The following PPP1R12B variants were observed in gnomAD, a reference collection of about 807,000 sequenced individuals.
PPP1R12B encodes myosin phosphatase target subunit 2.
A neutral mutation model predicts 126.1 loss-of-function variants in PPP1R12B; 76 were observed. That is an observed-to-expected ratio of 0.60 (90% CI 0.50 to 0.73). The LOEUF (loss-of-function observed/expected upper bound fraction) is 0.73, where lower values mean the gene tolerates loss of function less well. Among genes scored for constraint, PPP1R12B ranks in the 30% least tolerant of loss-of-function variants. PPP1R12B has a pLI of 0.00. For synonymous variants in PPP1R12B, 356 were observed against 434.7 expected, an observed-to-expected ratio of 0.82 and a Z score of 2.25; for missense variants, 1,052 against 1,205.1, an observed-to-expected ratio of 0.87 and a Z score of 1.88.
intron 9 of PPP1R12B, among the ~76,000 whole-genome samples, chr1:202,436,662 G>A (rs1239837251): frequency 6.6e-6 from 1 of 151,910 alleles, no homozygotes; most frequent in African/African-American, 2.4e-5. Context: ...CTAGTTTATG[G>A]CAAAATGAGA....
intron 21 of PPP1R12B, among the ~76,000 whole-genome samples, chr1:202,566,129 A>G (rs1398209927): frequency 6.6e-6 from 1 of 152,234 alleles, no homozygotes; most frequent in South Asian, 2.1e-4. Context: ...AGCTTCTGAC[A>G]GCATATGTCT....
intron 1 of PPP1R12B, among the ~76,000 whole-genome samples, chr1:202,365,278 G>T (rs1180362936): frequency 6.6e-6 from 1 of 151,696 alleles, no homozygotes. Context: ...TAGAGACAGG[G>T]AAATCCTAAG....
chr1:202,430,631 A>G (rs1404191393), intron 6 of PPP1R12B, 100 bp from the exon 7 acceptor site: 36 of 1,315,616 alleles, frequency 2.7e-5, no homozygotes, highest in South Asian at 1.6e-4. Context: ...TGTTGGTCCT[A>G]TTTTCTTCAG....
chr1:202,383,023 A>G (rs1439356155), intron 1 of PPP1R12B, among the ~76,000 whole-genome samples: 1 of 152,206 alleles, frequency 6.6e-6, no homozygotes, highest in Non-Finnish European at 1.5e-5. Flanking sequence ...AGAGATAGTT[A>G]TAGAACAAAA....
intron 13 of PPP1R12B, among the ~76,000 whole-genome samples, chr1:202,461,038 G>C (rs1002338684): frequency 6.6e-6 from 1 of 151,998 alleles, no homozygotes; most frequent in Non-Finnish European, 1.5e-5. Context: ...AGACTTAGTG[G>C]GAAATGCACA....
At chr1:202,468,646 G>T (rs1675395990) in intron 13 of PPP1R12B, among the ~76,000 whole-genome samples, 1 of 152,118 alleles carries the variant, frequency 6.6e-6, no homozygotes, top group Non-Finnish European at 1.5e-5. Context: ...AGAGCATTTG[G>T]AATAGGTAAA....
intron 18 of PPP1R12B, among the ~76,000 whole-genome samples, chr1:202,535,112 A>G (rs1306810967): frequency 6.6e-6 from 1 of 151,824 alleles, no homozygotes; most frequent in African/African-American, 2.4e-5. Flanking sequence ...CTCTGTAAAT[A>G]AGCATCCTTA....
At chr1:202,490,701 C>T (rs1328037107) in intron 14 of PPP1R12B, among the ~76,000 whole-genome samples, 4 of 152,166 alleles carry the variant, frequency 2.6e-5, no homozygotes, top group Non-Finnish European at 5.9e-5. Flanking sequence ...TGCTAGGAAC[C>T]TCAAATAAGT....
intron 1 of PPP1R12B, chr1:202,369,481 G>A (rs1451123750): frequency 6.5e-6 from 1 of 152,702 alleles, no homozygotes; most frequent in East Asian, 1.9e-4. Context: ...GTATATTAGA[G>A]AGCTATTAAA....
chr1:202,455,051 CA>C (rs1200227799), intron 13 of PPP1R12B, among the ~76,000 whole-genome samples: 1 of 151,968 alleles, frequency 6.6e-6, no homozygotes, highest in Non-Finnish European at 1.5e-5. Flanking sequence ...GCATTGCAAA[CA>C]AAAGATCTGG....
rs114020946 is a variant in PPP1R12B, at chr1:202,568,130, C to T, written c.2811+299C>T. Among the ~76,000 whole-genome samples the T allele has an allele frequency of 2.2e-3, 328 of 152,164 alleles. 2 individuals carry two copies. The highest frequency in any genetic ancestry group is 7.6e-3 in the African/African-American group (317 of 41,494). ...GACTGTGGGCAGAACTGCATACACA[C>T]ACAACCCATAACATTTTGGTTTACT... is the stretch of plus-strand genomic sequence containing the variant. On this transcript the variant is annotated intron_variant, in intron 22 of 23. Coordinates refer to ENST00000608999, the MANE Select transcript of PPP1R12B (RefSeq NM_002481.4).
chr1:202,348,754 C>T lies in PPP1R12B; in HGVS notation c.-98C>T. 2 of 1,431,890 alleles carry T rather than the reference C, an allele frequency of 1.4e-6. No individual in the cohort carries two copies. The highest frequency in any genetic ancestry group is 9.3e-7 in the Non-Finnish European group (1 of 1,079,488). 88.7% of individuals were successfully genotyped at this position (1,431,890 alleles called of 1,614,324 possible). ...GGCGCGAGGGTCTCCGCCCTCTGCT[C>T]CGGGCTGAAGCGCTCTGAGAGAGGC... On this transcript the variant is annotated 5_prime_UTR_variant, in exon 1 of 24. Transcript: ENST00000608999.
intron 3 of PPP1R12B, among the ~76,000 whole-genome samples, chr1:202,423,500 T>C (rs1669093694): frequency 2.0e-5 from 3 of 152,222 alleles, no homozygotes; most frequent in Admixed American, 2.0e-4. Flanking sequence ...CCAAAACTGC[T>C]TTTGTGCCAC....
chr1:202,408,313 A>T (rs1355468821), intron 1 of PPP1R12B, among the ~76,000 whole-genome samples: 1 of 152,186 alleles, frequency 6.6e-6, no homozygotes, highest in African/African-American at 2.4e-5. Context: ...GAGAACCATG[A>T]TTAGTTCTTT....
At chr1:202,575,304 A>G (rs1688995800) in intron 23 of PPP1R12B, 3 of 1,020,552 alleles carry the variant, frequency 2.9e-6, no homozygotes, top group East Asian at 2.5e-5. Context: ...GACTGAGATC[A>G]TAGAATGGGA....
chr1:202,397,226 C>T (rs893996244), intron 1 of PPP1R12B, among the ~76,000 whole-genome samples: 5 of 152,182 alleles, frequency 3.3e-5, no homozygotes, highest in African/African-American at 7.2e-5. Context: ...TCAGGTCCTC[C>T]GTGACCTTTA....
At chr1:202,404,387 A>G (rs1365909852) in intron 1 of PPP1R12B, among the ~76,000 whole-genome samples, 1 of 152,018 alleles carries the variant, frequency 6.6e-6, no homozygotes, top group African/African-American at 2.4e-5. Flanking sequence ...TGTTTCCTCC[A>G]GACCTTTGCC....
chr1:202,477,605 G>T (rs1294903196), intron 13 of PPP1R12B, among the ~76,000 whole-genome samples: 3 of 152,046 alleles, frequency 2.0e-5, no homozygotes, highest in South Asian at 4.1e-4. Context: ...CTCTCACTCT[G>T]TCACCCTGGG....
chr1:202,365,297 A>C (rs1226286082), intron 1 of PPP1R12B, among the ~76,000 whole-genome samples: 1 of 152,064 alleles, frequency 6.6e-6, no homozygotes, highest in Non-Finnish European at 1.5e-5. Context: ...AGTCTAAAAA[A>C]AAAAGCCAAT....
Sources: gnomAD v4.1 joint callset for allele counts (sites outside exome capture counted in the v4.1 genomes callset) on GRCh38, gnomAD v4.1.1 for gene constraint, MANE v1.5 for transcripts, NCBI Gene and HGNC (gene_info 2026-07-23, HGNC 2026-07-21) for gene names.